The following CYP7B1 variants were observed in gnomAD, a reference collection of about 807,000 sequenced individuals.
CYP7B1 encodes the protein cytochrome P450 family 7 subfamily B member 1.
In CYP7B1, 29 loss-of-function variants were observed where a neutral mutation model predicts 42.7. The ratio of observed to expected loss-of-function variants is 0.68; its 90% CI spans 0.51 to 0.93. The LOEUF is 0.93. Among genes scored for constraint, CYP7B1 ranks in the 40% least tolerant of loss-of-function variants. The pLI, the probability that CYP7B1 is intolerant of heterozygous loss-of-function variation, is 0.00. For synonymous variants in CYP7B1, 235 were observed against 218.2 expected (o/e 1.08, Z -0.68); for missense variants, 655 against 600.5 (o/e 1.09, Z -0.95).
At chr8:64,609,581 C>T (rs1347257888) in intron 4 of CYP7B1, among the ~76,000 whole-genome samples, 1 of 152,150 alleles carries the variant, frequency 6.6e-6, no homozygotes, top group Non-Finnish European at 1.5e-5. Context: ...TGGATGAATT[C>T]AATTAGTCAA....
intron 1 of CYP7B1, among the ~76,000 whole-genome samples, chr8:64,794,596 T>A (rs1273555447): frequency 6.6e-6 from 1 of 152,138 alleles, no homozygotes; most frequent in Admixed American, 6.5e-5. Flanking sequence ...CCCTTTGGGA[T>A]CTCTTTTATA....
intron 1 of CYP7B1, among the ~76,000 whole-genome samples, chr8:64,762,022 A>G (rs1247180335): frequency 6.6e-6 from 1 of 152,194 alleles, no homozygotes; most frequent in East Asian, 1.9e-4. Flanking sequence ...CTGCTTTCCA[A>G]ATTTTCAAAT....
At chr8:64,681,044 G>A (rs766497321) in intron 1 of CYP7B1, among the ~76,000 whole-genome samples, 25 of 152,034 alleles carry the variant, frequency 1.6e-4, no homozygotes, top group Non-Finnish European at 3.4e-4. Context: ...TATTTCAAAC[G>A]TTTAGAGAAC....
At chr8:64,727,592 T>C (rs1264987662) in intron 1 of CYP7B1, among the ~76,000 whole-genome samples, 2 of 152,186 alleles carry the variant, frequency 1.3e-5, no homozygotes, top group East Asian at 3.8e-4. Flanking sequence ...TGCATTCTTC[T>C]AAACTGAAAA....
chr8:64,672,066 T>C (rs1806375256), intron 1 of CYP7B1, among the ~76,000 whole-genome samples: 1 of 152,154 alleles, frequency 6.6e-6, no homozygotes, highest in Non-Finnish European at 1.5e-5. Context: ...TTTTGTTCCT[T>C]CCATAGATCT....
intron 1 of CYP7B1, among the ~76,000 whole-genome samples, chr8:64,726,293 G>C (rs1299352034): frequency 6.6e-6 from 1 of 152,098 alleles, no homozygotes; most frequent in African/African-American, 2.4e-5. Flanking sequence ...AAATCTACAA[G>C]TATCTGAGAA....
At chr8:64,624,346 T>A in intron 2 of CYP7B1, 57 bp downstream of exon 2, 4 of 1,541,110 alleles carry the variant, frequency 2.6e-6, no homozygotes, top group Non-Finnish European at 3.6e-6. Context: ...AGAAAGACAT[T>A]AAAGAACAAG....
At chr8:64,726,325 C>T (rs758342106) in intron 1 of CYP7B1, among the ~76,000 whole-genome samples, 1 of 152,112 alleles carries the variant, frequency 6.6e-6, no homozygotes, top group Non-Finnish European at 1.5e-5. Context: ...TGATGATGTA[C>T]GTTGGGGGAT....
At chr8:64,651,119 A>G (rs1806032235) in intron 1 of CYP7B1, among the ~76,000 whole-genome samples, 1 of 152,140 alleles carries the variant, frequency 6.6e-6, no homozygotes, top group South Asian at 2.1e-4. Context: ...CTACTTGGAG[A>G]ATGTTTTAGG....
chr8:64,794,200 G>C (rs141117757), intron 1 of CYP7B1, among the ~76,000 whole-genome samples: 189 of 152,240 alleles, frequency 1.2e-3, no homozygotes, highest in Admixed American at 2.0e-3. Flanking sequence ...ATCTAGAAAA[G>C]AAGGAGGCAC....
chr8:64,665,234 G>C (rs1585841417), intron 1 of CYP7B1, among the ~76,000 whole-genome samples: 1 of 152,140 alleles, frequency 6.6e-6, no homozygotes, highest in East Asian at 1.9e-4. Flanking sequence ...AGAAGTACAG[G>C]GGTGGGAGGA....
intron 1 of CYP7B1, among the ~76,000 whole-genome samples, chr8:64,676,026 C>A (rs1341715834): frequency 6.6e-6 from 1 of 152,080 alleles, no homozygotes; most frequent in East Asian, 1.9e-4. Context: ...GGACAGAGTG[C>A]AAGGAACAGC....
chr8:64,782,142 A>G (rs1210993025), intron 1 of CYP7B1, among the ~76,000 whole-genome samples: 1 of 152,174 alleles, frequency 6.6e-6, no homozygotes, highest in African/African-American at 2.4e-5. Context: ...TTTGCCCACC[A>G]TGACACCACT....
chr8:64,751,635 T>G (rs1405199460), intron 1 of CYP7B1, among the ~76,000 whole-genome samples: 1 of 152,218 alleles, frequency 6.6e-6, no homozygotes, highest in African/African-American at 2.4e-5. Flanking sequence ...TCAAACGGCA[T>G]GCATGCATTT....
Position 64,665,559 on chromosome 8 carries a change from G to GTTTTTTTTTTTTTTTTTTTTTTT in CYP7B1, c.123-41043_123-41021dup, listed in dbSNP as rs540578806. ...ATTTTAAGTGTTTTTTTTTTTGGTG[G>GTTTTTTTTTTTTTTTTTTTTTTT]TTTTTTTTTTTTTTTTTTTTTTTTT... On this transcript the variant is annotated intron_variant, in intron 1 of 5. Transcript: ENST00000310193. Among the ~76,000 whole-genome samples the GTTTTTTTTTTTTTTTTTTTTTTT allele has an allele frequency of 3.8e-5, 2 of 52,022 alleles. 1 individual carries two copies. Among genetic ancestry groups the GTTTTTTTTTTTTTTTTTTTTTTT allele is most frequent in the Non-Finnish European group, 6.4e-5 (2 of 31,364 alleles). The allele number at this position is 52,022 out of a possible 152,430, so 34.1% of individuals were successfully genotyped here.
rs1805427605 is a variant in CYP7B1 at position 64,615,684 on chromosome 8, T to G, written c.850+7A>C. 2.5e-6 allele frequency: 4 copies of G among 1,612,288 alleles called. No homozygotes were observed. On this transcript the variant is annotated splice_region_variant and intron_variant, in intron 3 of 5. Coordinates refer to ENST00000310193, the MANE Select transcript of CYP7B1 (RefSeq NM_004820.5). Reference sequence around the variant, plus strand: ...TTTTAGGCAAGTGCTCATTCAGAAGTTCTTACCTCCTATTTCAAGGTCCTC... The same window carrying G: ...TTTTAGGCAAGTGCTCATTCAGAAGGTCTTACCTCCTATTTCAAGGTCCTC...
intron 1 of CYP7B1, among the ~76,000 whole-genome samples, chr8:64,786,013 C>T (rs961986418): frequency 3.9e-5 from 6 of 152,084 alleles, no homozygotes; most frequent in African/African-American, 9.7e-5. Flanking sequence ...TGAGAACTCA[C>T]ACACTATCAT....
At chr8:64,688,529 T>C (rs935042864) in intron 1 of CYP7B1, among the ~76,000 whole-genome samples, 2 of 152,176 alleles carry the variant, frequency 1.3e-5, no homozygotes, top group Non-Finnish European at 2.9e-5. Flanking sequence ...AGGTAATGCT[T>C]TGCTTTAAAA....
intron 1 of CYP7B1, among the ~76,000 whole-genome samples, chr8:64,642,975 T>C (rs1179331716): frequency 1.3e-5 from 2 of 151,710 alleles, no homozygotes; most frequent in Admixed American, 6.6e-5. Flanking sequence ...CCACCTTAAT[T>C]TGGCCTCCCA....
Sources: gnomAD v4.1 joint callset for allele counts (sites outside exome capture counted in the v4.1 genomes callset) on GRCh38, gnomAD v4.1.1 for gene constraint, MANE v1.5 for transcripts, NCBI Gene and HGNC (gene_info 2026-07-23, HGNC 2026-07-21) for gene names.